Variants in ZFYVE26 observed in about 807,000 individuals in gnomAD.
The protein encoded by ZFYVE26 is zinc finger FYVE-type containing 26.
ZFYVE26 carries 181 observed loss-of-function variants against 276.5 expected under a neutral mutation model. That is an observed-to-expected ratio of 0.65 (90% CI 0.58 to 0.74). The LOEUF (loss-of-function observed/expected upper bound fraction) is 0.74, where lower values mean the gene tolerates loss of function less well. Ranked by LOEUF, ZFYVE26 falls within the 30% of genes least tolerant of loss-of-function variation. The pLI, the probability that ZFYVE26 is intolerant of heterozygous loss-of-function variation, is 0.00. For missense variants in ZFYVE26, 2,821 were observed against 3,097.9 expected, an observed-to-expected ratio of 0.91 and a Z score of 2.12; for synonymous variants, 1,129 against 1,203.1, an observed-to-expected ratio of 0.94 and a Z score of 1.27.
chr14:67,731,213 T>C (rs1425610380), intron 13 of ZFYVE26, among the ~76,000 whole-genome samples: 38 of 139,468 alleles, frequency 2.7e-4, no homozygotes, highest in African/African-American at 7.8e-4. Context: ...CTTTCTTTTT[T>C]TTTTTTTTTT....
intron 13 of ZFYVE26, chr14:67,733,916 C>A: frequency 1.7e-6 from 2 of 1,188,262 alleles, no homozygotes; most frequent in Non-Finnish European, 2.5e-6. Flanking sequence ...AAGGAGAAGG[C>A]CAACCCTAAA....
rs781149824 is a variant in ZFYVE26 at position 67,769,743 on chromosome 14, A to G, written c.5485-13T>C. ...GACGCCTGTTAAACTGAGGAATGCC[A>G]TCAGGAGGAGAAGAAAGAGGGAGGA... On this transcript the variant is annotated splice_polypyrimidine_tract_variant and intron_variant, in intron 28 of 41. Coordinates refer to ENST00000347230, the MANE Select transcript of ZFYVE26 (RefSeq NM_015346.4). 1.2e-6 allele frequency: 2 copies of G among 1,613,996 alleles called. No individual in the cohort carries two copies. The highest frequency in any genetic ancestry group is 1.7e-6 in the Non-Finnish European group (2 of 1,180,004).
intron 28 of ZFYVE26, among the ~76,000 whole-genome samples, chr14:67,771,094 C>G (rs564283501): frequency 6.6e-6 from 1 of 152,106 alleles, no homozygotes; most frequent in Non-Finnish European, 1.5e-5. Flanking sequence ...TGGTACCTAG[C>G]AGTTTTTCTT....
At chr14:67,801,937 G>A in intron 10 of ZFYVE26, 142 bp downstream of exon 10, 2 of 883,710 alleles carry the variant, frequency 2.3e-6, no homozygotes, top group Non-Finnish European at 3.6e-6. Context: ...GAGGCTGACA[G>A]ATGGATGAAA....
In ZFYVE26 at chr14:67,784,420, C is replaced by T; in HGVS notation, c.3540G>A (p.Lys1180=). The change falls in exon 20 of 42, where the codon AAG becomes AAA. Residue 1180 remains lysine, a synonymous_variant. Coordinates refer to ENST00000347230, the MANE Select transcript of ZFYVE26 (RefSeq NM_015346.4). Reference sequence around the variant, plus strand: ...GCAGCAGAACAAAGGGATTTCCTACCTTGACCTCCACATGATCTGCAAAGG... The same window carrying T: ...GCAGCAGAACAAAGGGATTTCCTACTTTGACCTCCACATGATCTGCAAAGG... ...LSSEPDHVEV[K]VGNPFVLLQQ... is the part of the protein sequence containing the mutation. The T allele has an allele frequency of 6.2e-7, 1 of 1,614,126 alleles. No homozygotes were observed. The highest frequency in any genetic ancestry group is 8.5e-7 in the Non-Finnish European group (1 of 1,179,998).
At chr14:67,745,470 G>GT (rs1250683332), downstream of ZFYVE26, among the ~76,000 whole-genome samples, 1 of 150,848 alleles carries the variant, frequency 6.6e-6, no homozygotes, top group Non-Finnish European at 1.5e-5. Flanking sequence ...TCAAAGTATA[G>GT]TTTGTTTTTT....
intron 35 of ZFYVE26, 105 bp from the exon 36 acceptor site, chr14:67,756,250 C>A: frequency 8.9e-7 from 1 of 1,117,718 alleles, no homozygotes; most frequent in Non-Finnish European, 1.4e-6. Flanking sequence ...AGCATCCTCC[C>A]AATGCAGTGC....
chr14:67,798,857 A>G (rs1395695918), intron 10 of ZFYVE26: 5 of 874,078 alleles, frequency 5.7e-6, no homozygotes, highest in Non-Finnish European at 6.9e-6. Context: ...TCCCGCCCCG[A>G]GGCCAACCGG....
chr14:67,730,706 C>T (rs892469641), intron 13 of ZFYVE26, among the ~76,000 whole-genome samples: 4 of 151,990 alleles, frequency 2.6e-5, no homozygotes, highest in East Asian at 3.9e-4. Flanking sequence ...TGGGTTCAAG[C>T]GATTCTCCTG....
chr14:67,764,513 C>T (rs953637295), intron 32 of ZFYVE26, among the ~76,000 whole-genome samples: 2 of 152,084 alleles, frequency 1.3e-5, no homozygotes, highest in Admixed American at 6.5e-5. Context: ...GCCACTGCAC[C>T]CAGCTGAGTT....
chr14:67,798,069 C>T lies in ZFYVE26; in HGVS notation c.2193G>A (p.Lys731=). The change falls in exon 11 of 42, where the codon AAG becomes AAA. Residue 731 remains lysine, a synonymous_variant. Coordinates refer to ENST00000347230, the MANE Select transcript of ZFYVE26 (RefSeq NM_015346.4). ...GTCTCCACTGGGCCTCAGAGACAAC[C>T]TTGGAAAGTCGATGCAGGCGGCTCT... is the stretch of plus-strand genomic sequence containing the variant. ...GLQSRLHRLS[K]VVSEAQWRHK... is the part of the protein sequence containing the mutation. 1 of 1,614,158 alleles carries T rather than the reference C, an allele frequency of 6.2e-7. No homozygotes were observed. Among genetic ancestry groups the T allele is most frequent in the Non-Finnish European group, 8.5e-7 (1 of 1,180,020 alleles).
At position 67,748,239 on chromosome 14, in the gene ZFYVE26, A is replaced by G. The variant is rs1594877672; in HGVS notation, c.*197T>C. ...CCAGACAAACACACATAGATTCCAC[A>G]ATTTTAGAGAAACATGGCACTTGCG... On this transcript the variant is annotated 3_prime_UTR_variant, in exon 42 of 42. Coordinates refer to ENST00000347230, the MANE Select transcript of ZFYVE26 (RefSeq NM_015346.4). The G allele has an allele frequency of 6.4e-6, 4 of 629,142 alleles. No homozygotes were observed. In the Admixed American group the frequency reaches 1.2e-4, roughly 19 times the overall value. The allele number at this position is 629,142 out of a possible 1,614,324, so 39.0% of individuals were successfully genotyped here.
At chr14:67,813,896 G>A (rs1420110968) in intron 3 of ZFYVE26, 90 bp downstream of exon 3, 1 of 894,988 alleles carries the variant, frequency 1.1e-6, no homozygotes, top group Non-Finnish European at 1.8e-6. Flanking sequence ...AATGATAAAG[G>A]AAGTAACAGA....
chr14:67,738,762 A>T (rs1384666971), intron 13 of ZFYVE26, among the ~76,000 whole-genome samples: 1 of 152,170 alleles, frequency 6.6e-6, no homozygotes, highest in African/African-American at 2.4e-5. Context: ...TTACTTGAAA[A>T]TTAAACATTA....
intron 35 of ZFYVE26, among the ~76,000 whole-genome samples, chr14:67,759,256 A>AAG (rs2038870307): frequency 6.7e-6 from 1 of 150,370 alleles, no homozygotes; most frequent in Non-Finnish European, 1.5e-5. Context: ...AAAAAAAAAA[A>AAG]AAAAAAAAAA....
intron 9 of ZFYVE26, among the ~76,000 whole-genome samples, chr14:67,803,371 TCC>T: frequency 6.6e-6 from 1 of 152,170 alleles, no homozygotes; most frequent in Non-Finnish European, 1.5e-5. Context: ...AGATGGAGTC[TCC>T]CTCTGTCCCC....
In ZFYVE26 at chr14:67,793,682, G is replaced by A; in HGVS notation, c.2479C>T (p.Pro827Ser). 6.2e-7 allele frequency: 1 copy of A among 1,613,880 alleles called. No individual in the cohort carries two copies. Among genetic ancestry groups the A allele is most frequent in the Non-Finnish European group, 8.5e-7 (1 of 1,179,888 alleles). Residue 827 changes from proline to serine, a missense_variant, in exon 14 of 42, where the codon CCC (proline) becomes TCC (serine). Physicochemically the swap from Pro to Ser is moderately conservative, Grantham distance 74. Transcript: ENST00000347230. The part of the protein sequence containing the change: ...LHPHPQSSLI[P>S]MMFSPPESLL... ...GACTCAGGTGGGGAGAACATCATGGGGATGAGTGAACTTTGAGGATGGGGG... is the reference window on the plus strand; with the variant it reads ...GACTCAGGTGGGGAGAACATCATGGAGATGAGTGAACTTTGAGGATGGGGG...
chr14:67,774,919 GA>G, intron 27 of ZFYVE26, 96 bp downstream of exon 27: 3 of 689,452 alleles, frequency 4.4e-6, no homozygotes, highest in Non-Finnish European at 7.1e-6. Flanking sequence ...AACTGGCAAT[GA>G]AAAAAAGAAG....
chr14:67,809,364 G>C (rs2040246438), intron 3 of ZFYVE26, 75 bp from the exon 4 acceptor site: 1 of 1,061,574 alleles, frequency 9.4e-7, no homozygotes, highest in South Asian at 1.3e-5. Flanking sequence ...AAATATTTCT[G>C]TCCAGTTAGT....
Sources: gnomAD v4.1 joint callset for allele counts (sites outside exome capture counted in the v4.1 genomes callset) on GRCh38, gnomAD v4.1.1 for gene constraint, MANE v1.5 for transcripts, NCBI Gene and HGNC (gene_info 2026-07-23, HGNC 2026-07-21) for gene names.